Variants in KMT2B observed in about 807,000 individuals in gnomAD.
The protein encoded by KMT2B is lysine methyltransferase 2B, also known as histone-lysine N-methyltransferase 2B.
Under a neutral mutation model 255.3 loss-of-function variants are expected in KMT2B, and 22 were observed. The ratio of observed to expected loss-of-function variants is 0.09; its 90% CI spans 0.06 to 0.12. The LOEUF is 0.12. Ranked by LOEUF, KMT2B falls within the 10% of genes least tolerant of loss-of-function variation. The pLI is 1.00. For synonymous variants in KMT2B, 1,730 were observed against 1,498.1 expected (o/e 1.15, Z -3.57); for missense variants, 3,149 against 3,737.0 (o/e 0.84, Z 4.10).
chr19:35,720,596 C>T lies in KMT2B; in HGVS notation c.1249C>T (p.Leu417Phe). ...TCCAGCCCCTTCACCTCCTCCACCC[C>T]TCCCACCCCCTTCGACATCTCCTCC... The part of the protein sequence containing the change: ...TPPAPSPPPP[L>F]PPPSTSPPPP... Residue 417 changes from leucine (L) to phenylalanine (F), a missense_variant, in exon 3 of 37, where the codon CTC becomes TTC. This residue lies in a region of KMT2B where 1,188 missense variants were observed against 1,106.4 expected (regional missense o/e 1.07). Transcript: ENST00000420124. 1 of 1,503,200 alleles carries T rather than the reference C, an allele frequency of 6.7e-7. No homozygotes were observed. The highest frequency in any genetic ancestry group is 8.9e-7 in the Non-Finnish European group (1 of 1,122,954). The allele number at this position is 1,503,200 out of a possible 1,614,324, so 93.1% of individuals were successfully genotyped here.
Position 35,719,993 on chromosome 19 carries a change from C to G in KMT2B, c.646C>G (p.Pro216Ala). The change falls in exon 3 of 37, where the codon CCC (proline) becomes GCC (alanine). Residue 216 changes from proline (P) to alanine (A), a missense_variant. Physicochemically the swap from Pro to Ala is conservative, Grantham distance 27. Transcript: ENST00000420124. ...GAGCCGGGCATGTGAGCCCTCCACCCCCCGGCGGTCTCGGGGACGGCCCCC... is the reference window on the plus strand; with the variant it reads ...GAGCCGGGCATGTGAGCCCTCCACCGCCCGGCGGTCTCGGGGACGGCCCCC... ...PRSRACEPST[P>A]RRSRGRPPGR... 1 of 1,613,242 alleles carries G rather than the reference C, an allele frequency of 6.2e-7. No homozygotes were observed. Among genetic ancestry groups the G allele is most frequent in the Non-Finnish European group, 8.5e-7 (1 of 1,179,732 alleles).
intron 23 of KMT2B, 65 bp downstream of exon 23, chr19:35,730,190 C>G (rs1663096478): frequency 4.4e-6 from 7 of 1,606,682 alleles, no homozygotes; most frequent in Non-Finnish European, 6.0e-6. Context: ...TTAGGGACCC[C>G]CGTGGCCCCC....
Position 35,730,243 on chromosome 19 carries a change from C to T in KMT2B, c.5077-99C>T, listed in dbSNP as rs1257208162. 11 of 1,595,642 alleles carry T rather than the reference C, an allele frequency of 6.9e-6. No individual in the cohort carries two copies. The East Asian group carries it at 2.5e-4, about 36-fold the overall frequency. On this transcript the variant is annotated intron_variant, in intron 23 of 36. Coordinates refer to ENST00000420124, the MANE Select transcript of KMT2B (RefSeq NM_014727.3). ...CTCTCAGTGTCTCCTCATCTGTTTT[C>T]CCAGAGGCCTTTAGGCCAAGCCCCT... is the stretch of plus-strand genomic sequence containing the variant.
At chr19:35,734,660 G>A (rs1969849548) in intron 30 of KMT2B, among the ~76,000 whole-genome samples, 3 of 152,202 alleles carry the variant, frequency 2.0e-5, no homozygotes, top group African/African-American at 7.2e-5. Context: ...AATACATGGG[G>A]TGGAGGCCCC....
In KMT2B at chr19:35,733,932, C is replaced by T. The variant is rs1439749641; in HGVS notation, c.7159+60C>T. On this transcript the variant is annotated intron_variant, in intron 30 of 36. Transcript: ENST00000420124. This position sits in a 1 kb window ranked among gnomAD's most constrained non-coding sequence, Gnocchi z 4.3. ...GTGCCTGGCTCAGCTGGGTGACTCA[C>T]AGATGCAAAATCAGCCCTCTTTCAA... 1.6e-6 allele frequency: 2 copies of T among 1,249,594 alleles called. No homozygotes were observed. Among genetic ancestry groups the T allele is most frequent in the South Asian group, 1.3e-5 (1 of 79,272 alleles). 77.4% of individuals were successfully genotyped at this position (1,249,594 alleles called of 1,614,324 possible).
chr19:35,720,445 A>G lies in KMT2B; in HGVS notation c.1098A>G (p.Glu366=). The change falls in exon 3 of 37, where the codon GAA becomes GAG. Residue 366 remains glutamate (E), a synonymous_variant. Coordinates refer to ENST00000420124, the MANE Select transcript of KMT2B (RefSeq NM_014727.3). ...KQEQKLDDEE[E]EKKEEEEKDK... ...AACAGAAGCTGGATGACGAGGAAGA[A>G]GAGAAGAAAGAAGAAGAAGAAAAAG... 6.4e-7 allele frequency: 1 copy of G among 1,552,830 alleles called. No homozygotes were observed. The highest frequency in any genetic ancestry group is 1.2e-5 in the South Asian group (1 of 84,194).
Position 35,733,300 on chromosome 19 carries a change from C to T in KMT2B, c.6751C>T (p.Pro2251Ser). The change falls in exon 28 of 37, where the codon CCT becomes TCT. Residue 2251 changes from proline (P) to serine (S), a missense_variant. Transcript: ENST00000420124. The surrounding 1 kb of genome is among the most constrained non-coding windows in gnomAD (Gnocchi z 4.3). Reference protein sequence around the residue: ...GVLPVVGVVRPAPPPPPPPLT... With the variant: ...GVLPVVGVVRSAPPPPPPPLT... ...GCTGCCCGTGGTCGGAGTGGTCCGCCCTGCCCCGCCCCCGCCACCCCCTCC... is the reference window on the plus strand; with the variant it reads ...GCTGCCCGTGGTCGGAGTGGTCCGCTCTGCCCCGCCCCCGCCACCCCCTCC... The T allele has an allele frequency of 1.4e-6, 2 of 1,453,844 alleles. No homozygotes were observed. Among genetic ancestry groups the T allele is most frequent in the Non-Finnish European group, 1.9e-6 (2 of 1,062,428 alleles). 90.1% of individuals were successfully genotyped at this position (1,453,844 alleles called of 1,614,324 possible).
chr19:35,726,761 A>G (rs539685745), intron 14 of KMT2B, among the ~76,000 whole-genome samples: 1 of 152,276 alleles, frequency 6.6e-6, no homozygotes, highest in South Asian at 2.1e-4. Flanking sequence ...AGGCAGGTGG[A>G]TCACCTGAGG....
Position 35,724,969 on chromosome 19 carries a change from C to T in KMT2B, c.3430-20C>T, listed in dbSNP as rs1308867418. 3 of 1,551,450 alleles carry T rather than the reference C, an allele frequency of 1.9e-6. No individual in the cohort carries two copies. Among genetic ancestry groups the T allele is most frequent in the East Asian group, 2.2e-5 (1 of 44,554 alleles). On this transcript the variant is annotated intron_variant, in intron 9 of 36. Coordinates refer to ENST00000420124, the MANE Select transcript of KMT2B (RefSeq NM_014727.3). ...ACGGCCAGGCTGGCAGCTCTGAATTCCCCCACCTTTCCTCCCCAGGATGCT... is the reference window on the plus strand; with the variant it reads ...ACGGCCAGGCTGGCAGCTCTGAATTTCCCCACCTTTCCTCCCCAGGATGCT...
chr19:35,723,637 G>C lies in KMT2B; in HGVS notation c.3059-95G>C. On this transcript the variant is annotated intron_variant, in intron 7 of 36. Transcript: ENST00000420124. This position sits in a 1 kb window ranked among gnomAD's most constrained non-coding sequence, Gnocchi z 7.5. ...TCCGTTGTGTGCTTTCATAGCTCCTGCGTTCATTCCCTGCCCCGCTTCTTT... is the reference window on the plus strand; with the variant it reads ...TCCGTTGTGTGCTTTCATAGCTCCTCCGTTCATTCCCTGCCCCGCTTCTTT... The C allele has an allele frequency of 7.6e-7, 1 of 1,313,462 alleles. No homozygotes were observed. 81.4% of individuals were successfully genotyped at this position (1,313,462 alleles called of 1,614,324 possible).
chr19:35,730,857 C>G lies in KMT2B; in HGVS notation c.5427C>G (p.Ala1809=). 1 of 1,606,446 alleles carries G rather than the reference C, an allele frequency of 6.2e-7. No homozygotes were observed. Among genetic ancestry groups the G allele is most frequent in the South Asian group, 1.1e-5 (1 of 90,250 alleles). The change falls in exon 26 of 37, where the codon GCC becomes GCG. Residue 1809 remains alanine, a synonymous_variant. Transcript: ENST00000420124. ...ACCAGACCATTGTGCACAGCCCCGC[C>G]CCTTCCTCAGGTGTGGCTTTGGCTC... ...EENQTIVHSP[A]PSSEPPGGED... is the part of the protein sequence containing the mutation.
chr19:35,736,858 A>AG, intron 31 of KMT2B, 31 bp downstream of exon 31: 1 of 1,613,764 alleles, frequency 6.2e-7, no homozygotes, highest in Non-Finnish European at 8.5e-7. Context: ...GGCAGGAGGG[A>AG]GAGTGTCCAT....
chr19:35,721,269 C>T lies in KMT2B; in HGVS notation c.1922C>T (p.Ser641Phe), dbSNP rs1416868926. 1.7e-5 allele frequency: 26 copies of T among 1,539,692 alleles called. No homozygotes were observed. The highest frequency in any genetic ancestry group is 2.0e-5 in the Non-Finnish European group (23 of 1,144,958). ...PSPPPAPATS[S>F]RRPLLLRAPQ... Reference sequence around the variant, plus strand: ...CCACCCCCTGCTCCTGCCACCTCCTCCCGGAGGCCCCTACTCCTTCGGGCC... The same window carrying T: ...CCACCCCCTGCTCCTGCCACCTCCTTCCGGAGGCCCCTACTCCTTCGGGCC... Residue 641 changes from serine to phenylalanine, a missense_variant, in exon 3 of 37, where the codon TCC becomes TTC. By Grantham distance (155) the Ser-to-Phe change is radical (BLOSUM62 -2). Coordinates refer to ENST00000420124, the MANE Select transcript of KMT2B (RefSeq NM_014727.3).
chr19:35,726,303 G>T lies in KMT2B; in HGVS notation c.3953G>T (p.Trp1318Leu), dbSNP rs1969439027. 6.2e-7 allele frequency: 1 copy of T among 1,613,850 alleles called. No individual in the cohort carries two copies. The highest frequency in any genetic ancestry group is 8.5e-7 in the Non-Finnish European group (1 of 1,179,874). Residue 1318 changes from tryptophan (W) to leucine (L), a missense_variant, in exon 14 of 37, where the codon TGG (tryptophan) becomes TTG (leucine). Trp to Leu is a moderately conservative substitution (Grantham distance 61). Coordinates refer to ENST00000420124, the MANE Select transcript of KMT2B (RefSeq NM_014727.3). Reference protein sequence around the residue: ...ATPGKNWDVEWSGDYSLCPRC... With the variant: ...ATPGKNWDVELSGDYSLCPRC... ...CCAGGCAAGAACTGGGACGTCGAGT[G>T]GTCTGGAGATTACAGCCTCTGCCCC...
chr19:35,723,695 C>A lies in KMT2B; in HGVS notation c.3059-37C>A. 1 of 1,507,836 alleles carries A rather than the reference C, an allele frequency of 6.6e-7. No homozygotes were observed. The highest frequency in any genetic ancestry group is 8.9e-7 in the Non-Finnish European group (1 of 1,124,928). The allele number at this position is 1,507,836 out of a possible 1,614,324, so 93.4% of individuals were successfully genotyped here. On this transcript the variant is annotated intron_variant, in intron 7 of 36. Coordinates refer to ENST00000420124, the MANE Select transcript of KMT2B (RefSeq NM_014727.3). The surrounding 1 kb of genome is among the most constrained non-coding windows in gnomAD (Gnocchi z 7.5). ...CTCTCCCAGTGTCCCATGTCCCTGGCTGAGCTCAAATCCTACTAAGTCCCC... is the reference window on the plus strand; with the variant it reads ...CTCTCCCAGTGTCCCATGTCCCTGGATGAGCTCAAATCCTACTAAGTCCCC...
chr19:35,729,153 C>T lies in KMT2B; in HGVS notation c.4780-6C>T. The stretch of plus-strand genomic sequence containing the variant: ...CCCACATCATGCCACTCCTCTTCTG[C>T]CCCAGGAGGCGGGGCGGCTCTTGTA... On this transcript the variant is annotated splice_region_variant and splice_polypyrimidine_tract_variant and intron_variant, in intron 21 of 36. Coordinates refer to ENST00000420124, the MANE Select transcript of KMT2B (RefSeq NM_014727.3). 3 of 1,613,834 alleles carry T rather than the reference C, an allele frequency of 1.9e-6. No homozygotes were observed. The highest frequency in any genetic ancestry group is 2.5e-6 in the Non-Finnish European group (3 of 1,179,808).
intron 30 of KMT2B, chr19:35,736,086 A>G (rs1393002606): frequency 2.6e-5 from 4 of 153,364 alleles, no homozygotes; most frequent in Non-Finnish European, 5.8e-5. Context: ...CACCATCTGT[A>G]CTGAAAATAC....
Position 35,733,621 on chromosome 19 carries a change from C to T in KMT2B, c.6984C>T (p.Thr2328=). 4 of 1,589,956 alleles carry T rather than the reference C, an allele frequency of 2.5e-6. No individual in the cohort carries two copies. Among genetic ancestry groups the T allele is most frequent in the Non-Finnish European group, 3.4e-6 (4 of 1,168,434 alleles). ...SGGFSRVRMK[T]PTVRGVLDLD... Reference sequence around the variant, plus strand: ...GGTTTAGCCGTGTGAGGATGAAAACCCCCACAGTGCGTGGGGTCCTTGACC... The same window carrying T: ...GGTTTAGCCGTGTGAGGATGAAAACTCCCACAGTGCGTGGGGTCCTTGACC... Residue 2328 remains threonine, a synonymous_variant, in exon 29 of 37, where the codon ACC becomes ACT. Coordinates refer to ENST00000420124, the MANE Select transcript of KMT2B (RefSeq NM_014727.3). This position sits in a 1 kb window ranked among gnomAD's most constrained non-coding sequence, Gnocchi z 4.3.
Position 35,723,845 on chromosome 19 carries a change from G to A in KMT2B, c.3172G>A (p.Val1058Met), listed in dbSNP as rs781441766. Residue 1058 changes from valine to methionine, a missense_variant, in exon 8 of 37, where the codon GTG (valine) becomes ATG (methionine). By Grantham distance (21) the Val-to-Met change is conservative (BLOSUM62 1). Coordinates refer to ENST00000420124, the MANE Select transcript of KMT2B (RefSeq NM_014727.3). This position sits in a 1 kb window ranked among gnomAD's most constrained non-coding sequence, Gnocchi z 7.5. ...GGGAGCTGGGGGGCCCCGGGAGGAG[G>A]TGGTGGCCCACCCAGGGCCCGAGGA... ...GAGAGGPREEVVAHPGPEEQD... is the reference protein window; with the variant it reads ...GAGAGGPREEMVAHPGPEEQD... 1.0e-5 allele frequency: 16 copies of A among 1,603,232 alleles called. No homozygotes were observed. The African/African-American group carries it at 1.9e-4, about 19-fold the overall frequency.
Sources: gnomAD v4.1 joint callset for allele counts (sites outside exome capture counted in the v4.1 genomes callset) on GRCh38, gnomAD v4.1.1 for gene constraint, gnomAD v4.1.1 regional missense constraint, Gnocchi (gnomAD v3.1) non-coding constraint, MANE v1.5 for transcripts, NCBI Gene and HGNC (gene_info 2026-07-23, HGNC 2026-07-21) for gene names.